The following RBFOX3 variants were observed in gnomAD, a reference collection of about 807,000 sequenced individuals.
The protein encoded by RBFOX3 is RNA binding fox-1 homolog 3.
A neutral mutation model predicts 48.7 loss-of-function variants in RBFOX3; 17 were observed. The ratio of observed to expected loss-of-function variants is 0.35; its 90% CI spans 0.24 to 0.52. The LOEUF (loss-of-function observed/expected upper bound fraction) is 0.52. RBFOX3 is among the 20% of genes least tolerant of loss of function. The probability of loss-of-function intolerance (pLI) is 0.94; values close to 1 mark genes in which losing one functional copy is unlikely to be tolerated. For missense variants in RBFOX3, 382 were observed against 497.5 expected, an observed-to-expected ratio of 0.77 and a Z score of 2.21; for synonymous variants, 212 against 209.5, an observed-to-expected ratio of 1.01 and a Z score of -0.10.
At chr17:79,339,663 G>T (rs2081750282) in intron 2 of RBFOX3, among the ~76,000 whole-genome samples, 1 of 152,184 alleles carries the variant, frequency 6.6e-6, no homozygotes, top group Non-Finnish European at 1.5e-5. Context: ...CGGTCTGGAG[G>T]CCCTGCTGAG....
the RBFOX3 span, among the ~76,000 whole-genome samples, chr17:79,655,335 G>A: frequency 1.3e-5 from 2 of 152,216 alleles, no homozygotes; most frequent in Admixed American, 1.3e-4. Flanking sequence ...CCTTGAGGCT[G>A]TGTGCCCAGG....
chr17:79,620,340 CAT>C, the RBFOX3 span, among the ~76,000 whole-genome samples: 1 of 149,424 alleles, frequency 6.7e-6, no homozygotes, highest in African/African-American at 2.4e-5. Context: ...CGCACACAGA[CAT>C]GCACACACAC....
chr17:79,168,095 G>A (rs1457696508), intron 4 of RBFOX3, among the ~76,000 whole-genome samples: 2 of 152,196 alleles, frequency 1.3e-5, no homozygotes, highest in Non-Finnish European at 2.9e-5. Context: ...CAGTGGGGCC[G>A]GCTCAGAGGC....
At chr17:79,100,329 A>G (rs2076178816) in intron 9 of RBFOX3, 1 of 152,232 alleles carries the variant, frequency 6.6e-6, no homozygotes, top group Non-Finnish European at 1.5e-5. Context: ...AGATCACAGA[A>G]GAGTCACACC....
intron 1 of RBFOX3, among the ~76,000 whole-genome samples, chr17:79,580,372 C>T (rs1442970853): frequency 2.6e-5 from 4 of 151,480 alleles, no homozygotes; most frequent in Non-Finnish European, 4.4e-5. Flanking sequence ...CATCCCACCC[C>T]GAGCAACAGC....
chr17:79,611,942 C>T (rs1263738757), upstream of RBFOX3, among the ~76,000 whole-genome samples: 3 of 152,296 alleles, frequency 2.0e-5, no homozygotes, highest in East Asian at 1.9e-4. Flanking sequence ...GTCCCAGCCT[C>T]CCCCAGCATC....
rs112664518 is a variant in RBFOX3 at position 79,460,293 on chromosome 17, C to T, written c.-175+22161G>A. On this transcript the variant is annotated intron_variant, in intron 2 of 14. Transcript: ENST00000693108. ...TTTACCTCATTAAAAAAAAATGGGC[C>T]CCTCTCTGACTCTTCTGCTCCCAGG... Among the ~76,000 whole-genome samples the T allele has an allele frequency of 1.4e-3, 213 of 152,130 alleles. 2 individuals are homozygous for T. The highest frequency in any genetic ancestry group is 5.0e-3 in the African/African-American group (206 of 41,476).
chr17:79,333,810 C>T (rs1476885674), intron 2 of RBFOX3, among the ~76,000 whole-genome samples: 1 of 152,168 alleles, frequency 6.6e-6, no homozygotes, highest in Non-Finnish European at 1.5e-5. Flanking sequence ...TGCCTCTGCC[C>T]CCATTCCTGC....
chr17:79,176,277 A>T (rs999603036), intron 4 of RBFOX3, among the ~76,000 whole-genome samples: 5 of 152,280 alleles, frequency 3.3e-5, no homozygotes, highest in Non-Finnish European at 5.9e-5. Context: ...CAGAGACAAG[A>T]CTTGCTCCAT....
At chr17:79,372,801 T>C (rs578067275) in intron 2 of RBFOX3, among the ~76,000 whole-genome samples, 3 of 152,200 alleles carry the variant, frequency 2.0e-5, no homozygotes, top group Admixed American at 2.0e-4. Flanking sequence ...AGCATAGAGG[T>C]AGAGCTGCGT....
At chr17:79,506,107 A>G (rs2083077396) in intron 1 of RBFOX3, among the ~76,000 whole-genome samples, 1 of 152,260 alleles carries the variant, frequency 6.6e-6, no homozygotes, top group South Asian at 2.1e-4. Flanking sequence ...TTTGAGGAAG[A>G]GTAAGGGAAA....
intron 2 of RBFOX3, among the ~76,000 whole-genome samples, chr17:79,395,514 C>CTCAGCACACAAGCCA (rs1457640689): frequency 2.0e-5 from 3 of 152,264 alleles, no homozygotes; most frequent in African/African-American, 7.2e-5. Context: ...CTAAGCCAGG[C>CTCAGCACACAAGCCA]TCAGCACACA....
intron 2 of RBFOX3, among the ~76,000 whole-genome samples, chr17:79,335,016 T>C (rs1251123217): frequency 6.6e-6 from 1 of 152,228 alleles, no homozygotes; most frequent in Non-Finnish European, 1.5e-5. Context: ...CTGGCTCAGA[T>C]GCCACCTCCT....
chr17:79,378,906 CTGCTATT>C (rs1158921690), intron 2 of RBFOX3, among the ~76,000 whole-genome samples: 1 of 152,224 alleles, frequency 6.6e-6, no homozygotes, highest in East Asian at 1.9e-4. Flanking sequence ...TCACCGGCAC[CTGCTATT>C]TGCCTCTGCT....
chr17:79,192,887 C>A (rs1228476352), intron 4 of RBFOX3, among the ~76,000 whole-genome samples: 1 of 152,226 alleles, frequency 6.6e-6, no homozygotes, highest in Non-Finnish European at 1.5e-5. Flanking sequence ...CACACTCTCA[C>A]TGGCTCTGTC....
intron 2 of RBFOX3, among the ~76,000 whole-genome samples, chr17:79,330,440 G>A (rs1050079150): frequency 8.7e-6 from 1 of 114,790 alleles, no homozygotes; most frequent in Admixed American, 9.9e-5. Flanking sequence ...CGAGCACAAC[G>A]ATGCCACCTG....
intron 2 of RBFOX3, among the ~76,000 whole-genome samples, chr17:79,349,873 C>A (rs976810274): frequency 4.7e-4 from 71 of 151,682 alleles, no homozygotes; most frequent in African/African-American, 1.7e-3. Context: ...CCCCCCGGGG[C>A]AGGCACGGCC....
At chr17:79,458,192 C>T (rs1447598060) in intron 2 of RBFOX3, among the ~76,000 whole-genome samples, 1 of 152,250 alleles carries the variant, frequency 6.6e-6, no homozygotes, top group Non-Finnish European at 1.5e-5. Flanking sequence ...GCAGTCGGCG[C>T]ACACGGTTAC....
intron 3 of RBFOX3, among the ~76,000 whole-genome samples, chr17:79,268,713 CCT>C (rs2067164599): frequency 6.6e-6 from 1 of 152,188 alleles, no homozygotes; most frequent in Non-Finnish European, 1.5e-5. Context: ...CCTCCCGCTC[CCT>C]GACTTCCCAC....
Sources: gnomAD v4.1 joint callset for allele counts (sites outside exome capture counted in the v4.1 genomes callset) on GRCh38, gnomAD v4.1.1 for gene constraint, MANE v1.5 for transcripts, NCBI Gene and HGNC (gene_info 2026-07-23, HGNC 2026-07-21) for gene names.